ATP10A: variants seen among roughly 807,000 people sequenced by gnomAD.
ATP10A encodes phospholipid-transporting ATPase VA.
ATP10A carries 111 observed loss-of-function variants against 147.8 expected under a neutral mutation model. The observed-to-expected ratio is 0.75, with a 90% CI of 0.64 to 0.88. The LOEUF (loss-of-function observed/expected upper bound fraction) is 0.88. Ranked by LOEUF, ATP10A falls within the 40% of genes least tolerant of loss-of-function variation. The pLI, the probability that ATP10A is intolerant of heterozygous loss-of-function variation, is 0.00. For synonymous variants in ATP10A, 875 were observed against 841.6 expected (o/e 1.04, Z -0.69); for missense variants, 1,927 against 1,959.0 (o/e 0.98, Z 0.31).
chr15:25,770,778 C>G (rs1889292205), intron 2 of ATP10A, among the ~76,000 whole-genome samples: 1 of 152,224 alleles, frequency 6.6e-6, no homozygotes, highest in Non-Finnish European at 1.5e-5. Flanking sequence ...GGCAAATGCA[C>G]CTGACAGCAA....
rs2076741 is a variant in ATP10A at position 25,681,057 on chromosome 15, C to A, written c.3510G>T (p.Thr1170=). ...CGGCGTCGGCCATGTTAAACCAGAACGTTCGTGGCCGGTATTCCTGGGACA... is the reference window on the plus strand; with the variant it reads ...CGGCGTCGGCCATGTTAAACCAGAAAGTTCGTGGCCGGTATTCCTGGGACA... The part of the protein sequence containing the change: ...GQNMEEYRPR[T]FWFNMADAAF... The change falls in exon 18 of 21, where the codon ACG becomes ACT. Residue 1170 remains threonine (T), a synonymous_variant. Transcript: ENST00000555815. 34 of 1,613,452 alleles carry A rather than the reference C, an allele frequency of 2.1e-5. No homozygotes were observed. The Admixed American group carries it at 4.7e-4, about 22-fold the overall frequency.
At chr15:25,815,611 G>A (rs1052216157) in intron 1 of ATP10A, among the ~76,000 whole-genome samples, 1 of 9,230 alleles carries the variant, frequency 1.1e-4, no homozygotes, top group African/African-American at 2.8e-4. Context: ...TTCACCTCTC[G>A]CAACTGTTAC....
At chr15:25,818,154 C>A (rs1020235615) in intron 1 of ATP10A, among the ~76,000 whole-genome samples, 26 of 151,994 alleles carry the variant, frequency 1.7e-4, no homozygotes, top group African/African-American at 6.0e-4. Context: ...TTAAAAAAAC[C>A]TAGAAACACA....
intron 3 of ATP10A, among the ~76,000 whole-genome samples, chr15:25,729,690 T>A (rs942461993): frequency 1.3e-5 from 2 of 152,148 alleles, no homozygotes; most frequent in African/African-American, 2.4e-5. Context: ...GCATGTTCTG[T>A]CCACTCTGTG....
At chr15:25,675,290 G>A (rs771429143), downstream of ATP10A, among the ~76,000 whole-genome samples, 17 of 152,202 alleles carry the variant, frequency 1.1e-4, no homozygotes, top group Non-Finnish European at 2.1e-4. Context: ...TAAGCGTCCT[G>A]TAAGCACTCT....
intron 13 of ATP10A, among the ~76,000 whole-genome samples, chr15:25,699,697 C>A (rs905494539): frequency 2.0e-5 from 3 of 151,962 alleles, no homozygotes; most frequent in Non-Finnish European, 4.4e-5. Context: ...TGGGGCATCC[C>A]ATCTCTTAAA....
intron 2 of ATP10A, among the ~76,000 whole-genome samples, chr15:25,767,078 A>G (rs1380347130): frequency 6.6e-6 from 1 of 152,184 alleles, no homozygotes; most frequent in Non-Finnish European, 1.5e-5. Context: ...TGTGGGCAGC[A>G]ATCAAATTCC....
chr15:25,753,374 CA>C (rs1376807097), intron 2 of ATP10A, among the ~76,000 whole-genome samples: 1 of 152,152 alleles, frequency 6.6e-6, no homozygotes. Context: ...TTTTACTTAA[CA>C]TAATGTTGTC....
intron 16 of ATP10A, 35 bp from the exon 17 acceptor site, chr15:25,683,521 G>T: frequency 6.4e-7 from 1 of 1,574,026 alleles, no homozygotes; most frequent in Non-Finnish European, 8.7e-7. Flanking sequence ...GAACAGGCGA[G>T]TCTTCAGCCA....
intron 1 of ATP10A, among the ~76,000 whole-genome samples, chr15:25,845,701 T>C (rs1342733018): frequency 3.3e-5 from 5 of 152,016 alleles, no homozygotes; most frequent in African/African-American, 1.2e-4. Context: ...AGGGGCCACC[T>C]CCCTAGAGGT....
intron 15 of ATP10A, among the ~76,000 whole-genome samples, chr15:25,691,305 T>A (rs1814531189): frequency 6.6e-6 from 1 of 152,094 alleles, no homozygotes; most frequent in Admixed American, 6.5e-5. Context: ...ATGGCTACAT[T>A]CCACCTGTAC....
In ATP10A at chr15:25,714,177, G is replaced by GT; in HGVS notation, c.1840dup (p.Thr614AsnfsTer87). ...GCAGCCTGAGGTCAGGCAGCTGGGT[G>GT]TGAACCTCCGCAGGAAGTCTTCTAT... is the stretch of plus-strand genomic sequence containing the variant. On this transcript the variant is annotated frameshift_variant, in exon 10 of 21. Transcript: ENST00000555815. LOFTEE classifies it high-confidence loss of function. The GT allele has an allele frequency of 6.2e-7, 1 of 1,607,916 alleles. No homozygotes were observed. The highest frequency in any genetic ancestry group is 8.5e-7 in the Non-Finnish European group (1 of 1,180,016).
rs1014399734 is a variant in ATP10A, at chr15:25,679,931, G to C, written c.3910C>G (p.Leu1304Val). Residue 1304 changes from leucine (L) to valine (V), a missense_variant, in exon 21 of 21, where the codon CTT (leucine) becomes GTT (valine). Transcript: ENST00000555815. ...SLQGRVFPTQ[L>V]QLARQLTRKS... The stretch of plus-strand genomic sequence containing the variant: ...CTGGTCAACTGACGTGCCAGCTGAA[G>C]TTGTGTGGGGAAAACCCTCCCCTGG... The C allele has an allele frequency of 5.6e-6, 9 of 1,607,036 alleles. No individual in the cohort carries two copies. The highest frequency in any genetic ancestry group is 7.7e-6 in the Non-Finnish European group (9 of 1,175,566).
At chr15:25,757,192 G>A (rs1888459722) in intron 2 of ATP10A, among the ~76,000 whole-genome samples, 2 of 152,058 alleles carry the variant, frequency 1.3e-5, no homozygotes, top group South Asian at 4.2e-4. Flanking sequence ...GTTTTTATAT[G>A]GTAGAGAGTA....
chr15:25,727,942 C>T (rs558781482), intron 3 of ATP10A, among the ~76,000 whole-genome samples: 82 of 152,302 alleles, frequency 5.4e-4, no homozygotes, highest in Admixed American at 1.6e-3. Flanking sequence ...CGCCCTGGGA[C>T]AGATATGGCC....
chr15:25,729,261 C>T (rs12902588), intron 3 of ATP10A, among the ~76,000 whole-genome samples: 145,271 of 152,260 alleles, frequency 0.95, 69,646 homozygotes, highest in East Asian at 1. Flanking sequence ...CCAAGGCAGG[C>T]GGATCACTTG....
chr15:25,728,614 C>A (rs922497165), intron 3 of ATP10A, among the ~76,000 whole-genome samples: 2 of 152,226 alleles, frequency 1.3e-5, no homozygotes, highest in African/African-American at 4.8e-5. Flanking sequence ...GAAAGCCAGA[C>A]AAAGACACCA....
intron 3 of ATP10A, among the ~76,000 whole-genome samples, chr15:25,731,871 T>C (rs148795836): frequency 6.6e-6 from 1 of 152,178 alleles, no homozygotes; most frequent in African/African-American, 2.4e-5. Flanking sequence ...TTTTGTTTTG[T>C]TTCAGATAGG....
Position 25,862,896 on chromosome 15 carries a change from G to C in ATP10A, c.201C>G (p.Thr67=). 3.1e-6 allele frequency: 5 copies of C among 1,611,666 alleles called. No homozygotes were observed. The highest frequency in any genetic ancestry group is 4.2e-6 in the Non-Finnish European group (5 of 1,179,262). ...QHLADNRLKT[T]KYTLLSFLPK... Reference sequence around the variant, plus strand: ...GCAGGAAGGACAGCAGCGTGTACTTGGTAGTCTTGAGCCGGTTGTCGGCCA... The same window carrying C: ...GCAGGAAGGACAGCAGCGTGTACTTCGTAGTCTTGAGCCGGTTGTCGGCCA... Residue 67 remains threonine (T), a synonymous_variant, in exon 1 of 21, where the codon ACC becomes ACG. Coordinates refer to ENST00000555815, the MANE Select transcript of ATP10A (RefSeq NM_024490.4).
Sources: gnomAD v4.1 joint callset for allele counts (sites outside exome capture counted in the v4.1 genomes callset) on GRCh38, gnomAD v4.1.1 for gene constraint, MANE v1.5 for transcripts, NCBI Gene and HGNC (gene_info 2026-07-23, HGNC 2026-07-21) for gene names.